C8orf74: variants seen among roughly 807,000 people sequenced by gnomAD.
The protein encoded by C8orf74 is chromosome 8 open reading frame 74.
C8orf74 carries 29 observed loss-of-function variants against 22.2 expected under a neutral mutation model. That is an observed-to-expected ratio of 1.31 (90% confidence interval 0.97 to 1.78). The LOEUF is 1.78. Among genes scored for constraint, C8orf74 ranks in the 40% most tolerant of loss-of-function variants. The pLI is 0.00. For missense variants in C8orf74, 515 were observed against 369.9 expected (o/e 1.39, Z -3.22); for synonymous variants, 255 against 163.1 (o/e 1.56, Z -4.30).
intron 2 of C8orf74, chr8:10,691,218 T>A (rs1799373882): frequency 3.1e-6 from 1 of 320,782 alleles, no homozygotes; most frequent in Admixed American, 3.8e-5. Flanking sequence ...TACACTTGGT[T>A]TGTATGACCT....
chr8:10,698,482 G>C (rs1799579912), intron 3 of C8orf74, among the ~76,000 whole-genome samples: 1 of 152,136 alleles, frequency 6.6e-6, no homozygotes, highest in African/African-American at 2.4e-5. Flanking sequence ...GGAGACAAAG[G>C]CTGGAGCTGG....
Position 10,697,895 on chromosome 8 carries a change from G to A in C8orf74, c.538G>A (p.Ala180Thr), listed in dbSNP as rs1382020402. Residue 180 changes from alanine (A) to threonine (T), a missense_variant, in exon 3 of 4, where the codon GCC (alanine) becomes ACC (threonine). By Grantham distance (58) the Ala-to-Thr change is moderately conservative. Coordinates refer to ENST00000304519, the MANE Select transcript of C8orf74 (RefSeq NM_001040032.2). Reference sequence around the variant, plus strand: ...GACGGAGGCCGAGGCACAGAAGCGCGCCGACGTGCTGCTCCTGAAAGAGGC... The same window carrying A: ...GACGGAGGCCGAGGCACAGAAGCGCACCGACGTGCTGCTCCTGAAAGAGGC... ...TLTEAEAQKR[A>T]DVLLLKEALR... 2 of 1,609,050 alleles carry A rather than the reference G, an allele frequency of 1.2e-6. No individual in the cohort carries two copies. Among genetic ancestry groups the A allele is most frequent in the African/African-American group, 1.3e-5 (1 of 74,880 alleles).
chr8:10,682,128 C>A (rs1221086307), intron 2 of C8orf74, among the ~76,000 whole-genome samples: 1 of 152,172 alleles, frequency 6.6e-6, no homozygotes, highest in Non-Finnish European at 1.5e-5. Context: ...AAGGTGCCAG[C>A]CTCTGCAGCC....
intron 2 of C8orf74, 38 bp downstream of exon 2, chr8:10,674,876 C>T (rs766766901): frequency 5.9e-6 from 9 of 1,530,908 alleles, no homozygotes; most frequent in South Asian, 3.7e-5. Context: ...CAGAGGCTGG[C>T]GGGATGGGGT....
At chr8:10,683,287 G>A (rs1272746897) in intron 2 of C8orf74, among the ~76,000 whole-genome samples, 1 of 152,244 alleles carries the variant, frequency 6.6e-6, no homozygotes, top group Non-Finnish European at 1.5e-5. Context: ...GGCCTACCTG[G>A]CAGGGTGAGT....
chr8:10,674,919 C>T (rs2129055992), intron 2 of C8orf74, 81 bp downstream of exon 2: 1 of 1,227,932 alleles, frequency 8.1e-7, no homozygotes, highest in Non-Finnish European at 1.1e-6. Flanking sequence ...CCGTCCACAG[C>T]CCCAGCAGCC....
chr8:10,684,493 A>T (rs1408335765), intron 2 of C8orf74, among the ~76,000 whole-genome samples: 1 of 152,246 alleles, frequency 6.6e-6, no homozygotes, highest in Non-Finnish European at 1.5e-5. Flanking sequence ...GTGACCAAAA[A>T]AGATGTCTTT....
intron 2 of C8orf74, among the ~76,000 whole-genome samples, chr8:10,678,867 C>T (rs1242149871): frequency 6.6e-6 from 1 of 152,194 alleles, no homozygotes; most frequent in African/African-American, 2.4e-5. Context: ...GTCCCTGAGC[C>T]AGGAGGCTGG....
intron 2 of C8orf74, among the ~76,000 whole-genome samples, chr8:10,696,446 T>TC (rs1563164708): frequency 1.7e-5 from 2 of 117,398 alleles, no homozygotes; most frequent in Non-Finnish European, 1.6e-5. Context: ...CTTTTCTTTT[T>TC]TTTTTTTTTT....
rs1369788757 is a variant in C8orf74, at chr8:10,697,600, C to T, written c.243C>T (p.Gly81=). Residue 81 remains glycine, a splice_region_variant and synonymous_variant, in exon 3 of 4, where the codon GGC becomes GGT. Transcript: ENST00000304519. ...TGTTCTTGGCCCCTGTGCCTACAGG[C>T]TGCTCCATTACTGAGGCTGTGACGA... ...FTEELLRETK[G]CSITEAVTIL... 6.2e-7 allele frequency: 1 copy of T among 1,612,658 alleles called. No homozygotes were observed. The highest frequency in any genetic ancestry group is 2.2e-5 in the East Asian group (1 of 44,886).
chr8:10,672,698 A>G lies in C8orf74; in HGVS notation c.33A>G (p.Glu11=). The G allele has an allele frequency of 2.6e-6, 4 of 1,564,216 alleles. No individual in the cohort carries two copies. Among genetic ancestry groups the G allele is most frequent in the Non-Finnish European group, 3.5e-6 (4 of 1,153,894 alleles). Residue 11 remains glutamate, a synonymous_variant, in exon 1 of 4, where the codon GAA becomes GAG. Coordinates refer to ENST00000304519, the MANE Select transcript of C8orf74 (RefSeq NM_001040032.2). MALLTPQGVK[E]VFQLQRPQGR... is the part of the protein sequence containing the mutation. ...TCTTAACACCCCAGGGAGTGAAAGAAGTCTTCCAACTTCAGGTGAAGGAAG... is the reference window on the plus strand; with the variant it reads ...TCTTAACACCCCAGGGAGTGAAAGAGGTCTTCCAACTTCAGGTGAAGGAAG...
chr8:10,685,146 C>T (rs1203102440), intron 2 of C8orf74, among the ~76,000 whole-genome samples: 1 of 152,158 alleles, frequency 6.6e-6, no homozygotes, highest in African/African-American at 2.4e-5. Flanking sequence ...GTTACTAAAA[C>T]CAAGGAAACT....
intron 3 of C8orf74, among the ~76,000 whole-genome samples, chr8:10,699,289 C>A (rs139085388): frequency 6.6e-6 from 1 of 152,214 alleles, no homozygotes; most frequent in Non-Finnish European, 1.5e-5. Flanking sequence ...ACACTGTGTG[C>A]CCCAGCTATG....
intron 2 of C8orf74, among the ~76,000 whole-genome samples, chr8:10,683,173 G>C (rs796449696): frequency 4.0e-4 from 61 of 152,358 alleles, no homozygotes; most frequent in African/African-American, 1.3e-3. Flanking sequence ...GGATGAGCCA[G>C]GTCACACACC....
chr8:10,682,275 T>C (rs1799167347), intron 2 of C8orf74, among the ~76,000 whole-genome samples: 1 of 152,192 alleles, frequency 6.6e-6, no homozygotes, highest in Admixed American at 6.5e-5. Flanking sequence ...ATTAAGATCT[T>C]AGAGGAGCAT....
intron 2 of C8orf74, among the ~76,000 whole-genome samples, chr8:10,693,685 C>G (rs1799431215): frequency 6.6e-6 from 1 of 152,164 alleles, no homozygotes; most frequent in African/African-American, 2.4e-5. Context: ...GTCAGCGTCT[C>G]ATCATATGGT....
chr8:10,698,182 C>A (rs148344210), intron 3 of C8orf74, among the ~76,000 whole-genome samples, 177 bp downstream of exon 3: 2 of 152,284 alleles, frequency 1.3e-5, no homozygotes, highest in East Asian at 3.9e-4. Context: ...AAATTCATGT[C>A]CCTATTTTAG....
intron 2 of C8orf74, among the ~76,000 whole-genome samples, chr8:10,683,780 G>A: frequency 6.6e-6 from 1 of 152,348 alleles, no homozygotes; most frequent in South Asian, 2.1e-4. Flanking sequence ...TCCGGTGTCT[G>A]AGCATCTGAG....
intron 2 of C8orf74, among the ~76,000 whole-genome samples, chr8:10,690,557 G>A (rs991620183): frequency 6.6e-6 from 1 of 152,164 alleles, no homozygotes; most frequent in African/African-American, 2.4e-5. Flanking sequence ...GCCTGACTTG[G>A]TTCCTGCCCC....
Sources: gnomAD v4.1 joint callset for allele counts (sites outside exome capture counted in the v4.1 genomes callset) on GRCh38, gnomAD v4.1.1 for gene constraint, MANE v1.5 for transcripts, NCBI Gene and HGNC (gene_info 2026-07-23, HGNC 2026-07-21) for gene names.